The following CRYBG3 variants were observed in gnomAD, a reference collection of about 807,000 sequenced individuals.
CRYBG3 encodes the protein crystallin beta-gamma domain containing 3, also known as very large A-kinase anchor protein.
A neutral mutation model predicts 244.2 loss-of-function variants in CRYBG3; 127 were observed. That is an observed-to-expected ratio of 0.52 (90% CI 0.45 to 0.60). The LOEUF (loss-of-function observed/expected upper bound fraction) is 0.60. Among genes scored for constraint, CRYBG3 ranks in the 20% least tolerant of loss-of-function variants. The pLI is 0.00. For synonymous variants in CRYBG3, 1,132 were observed against 1,195.8 expected, an observed-to-expected ratio of 0.95 and a Z score of 1.10; for missense variants, 3,325 against 3,442.5, an observed-to-expected ratio of 0.97 and a Z score of 0.85.
chr3:97,874,290 T>G lies in CRYBG3; in HGVS notation c.3096T>G (p.Pro1032=). 6.5e-7 allele frequency: 1 copy of G among 1,529,802 alleles called. No individual in the cohort carries two copies. 94.8% of individuals were successfully genotyped at this position (1,529,802 alleles called of 1,614,324 possible). ...ASEDSSFLKV[P]SVLKLEKKSS... ...AGGACTCAAGCTTCCTTAAAGTACC[T>G]TCTGTGCTGAAATTGGAAAAGAAAT... The change falls in exon 4 of 22, where the codon CCT becomes CCG. Residue 1032 remains proline (P), a synonymous_variant. Coordinates refer to ENST00000389622, the MANE Select transcript of CRYBG3 (RefSeq NM_153605.4).
rs2040229584 is a variant in CRYBG3 at position 97,941,447 on chromosome 3, A to G, written c.8664+141A>G. 4 of 544,430 alleles carry G rather than the reference A, an allele frequency of 7.3e-6. No homozygotes were observed. The South Asian group carries it at 1.6e-4, about 22-fold the overall frequency. The allele number at this position is 544,430 out of a possible 1,614,324, so 33.7% of individuals were successfully genotyped here. ...GTTGATTATAAAAATACTGCCATAT[A>G]TTACTAAAACATTTATATAAAATTA... On this transcript the variant is annotated intron_variant, in intron 20 of 21. Coordinates refer to ENST00000389622, the MANE Select transcript of CRYBG3 (RefSeq NM_153605.4).
chr3:97,866,472 C>T (rs1373427491), intron 3 of CRYBG3, among the ~76,000 whole-genome samples: 1 of 152,218 alleles, frequency 6.6e-6, no homozygotes, highest in Non-Finnish European at 1.5e-5. Flanking sequence ...GCATCATCAC[C>T]TGGGACCTCA....
intron 6 of CRYBG3, 117 bp from the exon 7 acceptor site, chr3:97,880,955 T>C: frequency 1.5e-6 from 1 of 681,396 alleles, no homozygotes. Context: ...GGTTATATGC[T>C]AATAGTGGAA....
chr3:97,851,802 A>T (rs1035786453), intron 2 of CRYBG3, among the ~76,000 whole-genome samples: 1 of 151,912 alleles, frequency 6.6e-6, no homozygotes, highest in African/African-American at 2.4e-5. Context: ...CATTGGAGGG[A>T]TTTAAGAATG....
At chr3:97,928,021 C>T (rs1215873477) in intron 17 of CRYBG3, among the ~76,000 whole-genome samples, 1 of 151,832 alleles carries the variant, frequency 6.6e-6, no homozygotes, top group African/African-American at 2.4e-5. Context: ...TGTAGAACTA[C>T]CATTTGACCT....
chr3:97,908,562 A>T (rs2039806822), intron 15 of CRYBG3, among the ~76,000 whole-genome samples: 1 of 152,070 alleles, frequency 6.6e-6, no homozygotes, highest in South Asian at 2.1e-4. Flanking sequence ...AGAGACTAGG[A>T]TTGCAACCCC....
intron 7 of CRYBG3, among the ~76,000 whole-genome samples, chr3:97,881,732 T>C (rs2039450749): frequency 6.6e-6 from 1 of 151,804 alleles, no homozygotes; most frequent in Admixed American, 6.6e-5. Flanking sequence ...TAATAATAAA[T>C]AAACATATAA....
rs2040171376 is a variant in CRYBG3 at position 97,936,881 on chromosome 3, A to G, written c.8478A>G (p.Thr2826=). 6.2e-7 allele frequency: 1 copy of G among 1,613,026 alleles called. No homozygotes were observed. Among genetic ancestry groups the G allele is most frequent in the Middle Eastern group, 1.7e-4 (1 of 6,048 alleles). ...PNWTAFSRWK[T]IGSLRPMKQP... ...GGACAGCATTCAGCAGATGGAAAAC[A>G]ATTGGTTCCCTCCGTCCTATGAAGC... Residue 2826 remains threonine, a synonymous_variant, in exon 19 of 22, where the codon ACA becomes ACG. Transcript: ENST00000389622.
Position 97,936,778 on chromosome 3 carries a change from CT to C in CRYBG3, c.8382-6del, listed in dbSNP as rs780040533. On this transcript the variant is annotated splice_region_variant and splice_polypyrimidine_tract_variant and intron_variant, in intron 18 of 21. Coordinates refer to ENST00000389622, the MANE Select transcript of CRYBG3 (RefSeq NM_153605.4). ...GTACACTACTTTTTTCTTTCTTGTT[CT>C]CATAGATGGATAGCTTATGAAGGAT... The C allele has an allele frequency of 6.2e-7, 1 of 1,608,916 alleles. No individual in the cohort carries two copies. Among genetic ancestry groups the C allele is most frequent in the African/African-American group, 1.3e-5 (1 of 74,650 alleles).
intron 1 of CRYBG3, 60 bp from the exon 2 acceptor site, chr3:97,843,135 A>G: frequency 1.9e-6 from 2 of 1,077,656 alleles, no homozygotes; most frequent in South Asian, 1.5e-5. Flanking sequence ...AAATACAGAA[A>G]ACTTTTAGTT....
At position 97,822,199 on chromosome 3, in the gene CRYBG3, C is replaced by T. The variant is rs1350109902; in HGVS notation, c.-8C>T. 4.0e-6 allele frequency: 6 copies of T among 1,515,282 alleles called. No homozygotes were observed. In the Admixed American group the frequency reaches 1.2e-4, roughly 31 times the overall value. 93.9% of individuals were successfully genotyped at this position (1,515,282 alleles called of 1,614,324 possible). A position where few individuals can be genotyped will look rare whatever the true frequency, so the allele number is the denominator to read the frequency against. On this transcript the variant is annotated 5_prime_UTR_variant, in exon 1 of 22. Transcript: ENST00000389622. Reference sequence around the variant, plus strand: ...CAGACAGCCCCGGGCCAGCGGCCCCCTCGGGAAATGTCCAGCGGCCGCAGA... The same window carrying T: ...CAGACAGCCCCGGGCCAGCGGCCCCTTCGGGAAATGTCCAGCGGCCGCAGA...
chr3:97,842,597 T>C (rs187358336), intron 1 of CRYBG3, among the ~76,000 whole-genome samples: 12 of 152,202 alleles, frequency 7.9e-5, no homozygotes, highest in Middle Eastern at 3.4e-3. Flanking sequence ...GGAAAGTAGT[T>C]TATAATGACA....
chr3:97,872,566 C>G lies in CRYBG3; in HGVS notation c.1372C>G (p.Pro458Ala). The G allele has an allele frequency of 6.5e-7, 1 of 1,535,826 alleles. No individual in the cohort carries two copies. The highest frequency in any genetic ancestry group is 8.7e-7 in the Non-Finnish European group (1 of 1,146,800). The change falls in exon 4 of 22, where the codon CCA (proline) becomes GCA (alanine). Residue 458 changes from proline to alanine, a missense_variant. By Grantham distance (27) the Pro-to-Ala change is conservative. This residue lies in a region of CRYBG3 where 1,526 missense variants were observed against 1,443.2 expected (regional missense o/e 1.06). Coordinates refer to ENST00000389622, the MANE Select transcript of CRYBG3 (RefSeq NM_153605.4). ...TEQESTNLPS[P>A]NKSIRHEHLQ... Reference sequence around the variant, plus strand: ...GCAGGAAAGTACAAATTTGCCAAGTCCAAATAAATCAATTAGGCATGAACA... The same window carrying G: ...GCAGGAAAGTACAAATTTGCCAAGTGCAAATAAATCAATTAGGCATGAACA...
In CRYBG3 at chr3:97,910,563, C is replaced by T. The variant is rs188205382; in HGVS notation, c.8005-1604C>T. 2.2e-3 allele frequency among the ~76,000 whole-genome samples: 341 copies of T among 152,324 alleles called. 7 individuals are homozygous for T. Among genetic ancestry groups the T allele is most frequent in the Admixed American group, 0.019 (298 of 15,304 alleles). On this transcript the variant is annotated intron_variant, in intron 15 of 21. Transcript: ENST00000389622. The stretch of plus-strand genomic sequence containing the variant: ...TGACTCAGAAAGGGAACTCCCTGAC[C>T]CCTTGCGCTTCCCAAGTGAGGCAAT...
intron 2 of CRYBG3, among the ~76,000 whole-genome samples, chr3:97,857,569 G>A (rs575306868): frequency 2.0e-5 from 3 of 152,092 alleles, no homozygotes; most frequent in South Asian, 4.2e-4. Flanking sequence ...TTGTTACATC[G>A]TCTTGTTGAA....
At chr3:97,830,529 A>T (rs1028089253) in intron 1 of CRYBG3, among the ~76,000 whole-genome samples, 6 of 151,108 alleles carry the variant, frequency 4.0e-5, no homozygotes, top group South Asian at 2.1e-4. Context: ...CATGTTAGAT[A>T]TTTTTTTTGT....
At chr3:97,942,176 C>A in intron 20 of CRYBG3, 108 bp from the exon 21 acceptor site, 1 of 903,058 alleles carries the variant, frequency 1.1e-6, no homozygotes, top group Non-Finnish European at 1.6e-6. Context: ...AGATAAGACA[C>A]ACACACACTT....
At chr3:97,912,380 C>A in intron 16 of CRYBG3, 104 bp downstream of exon 16, 1 of 509,946 alleles carries the variant, frequency 2.0e-6, no homozygotes, top group South Asian at 4.1e-5. Context: ...TAAAATTTAT[C>A]TTCAACAGGC....
At chr3:97,920,463 CCATTTTCCTT>C (rs2039971117) in intron 17 of CRYBG3, among the ~76,000 whole-genome samples, 1 of 152,088 alleles carries the variant, frequency 6.6e-6, no homozygotes, top group African/African-American at 2.4e-5. Flanking sequence ...TGCCAGCATC[CCATTTTCCTT>C]CATAGACTTG....
Sources: gnomAD v4.1 joint callset for allele counts (sites outside exome capture counted in the v4.1 genomes callset) on GRCh38, gnomAD v4.1.1 for gene constraint, gnomAD v4.1.1 regional missense constraint, MANE v1.5 for transcripts, NCBI Gene and HGNC (gene_info 2026-07-23, HGNC 2026-07-21) for gene names.